NCOA3: variants seen among roughly 807,000 people sequenced by gnomAD.
NCOA3 encodes nuclear receptor coactivator 3, also known as CBP-interacting protein.
A neutral mutation model predicts 158.8 loss-of-function variants in NCOA3; 51 were observed. The observed-to-expected ratio is 0.32, with a 90% CI of 0.26 to 0.41. The LOEUF is 0.41. NCOA3 is among the 10% of genes least tolerant of loss of function. The probability of loss-of-function intolerance (pLI) is 1.00; values close to 1 mark genes in which losing one functional copy is unlikely to be tolerated. For missense variants in NCOA3, 1,510 were observed against 1,746.6 expected (o/e 0.86, Z 2.41); for synonymous variants, 537 against 592.4 (o/e 0.91, Z 1.36).
chr20:47,585,178 A>C (rs187248512), intron 2 of NCOA3, among the ~76,000 whole-genome samples: 72 of 149,252 alleles, frequency 4.8e-4, no homozygotes, highest in Non-Finnish European at 7.4e-4. Context: ...CAGCCTCCCA[A>C]GTAGCTGGGA....
At chr20:47,612,001 A>AT (rs1335446151) in intron 2 of NCOA3, among the ~76,000 whole-genome samples, 1 of 151,966 alleles carries the variant, frequency 6.6e-6, no homozygotes, top group Non-Finnish European at 1.5e-5. Flanking sequence ...AGTGTTTTGT[A>AT]TTTTTTGTAG....
intron 5 of NCOA3, among the ~76,000 whole-genome samples, chr20:47,626,421 A>G (rs1377461742): frequency 6.6e-6 from 1 of 152,214 alleles, no homozygotes; most frequent in African/African-American, 2.4e-5. Flanking sequence ...AATTCTTTAA[A>G]AATTAGGTTA....
At chr20:47,621,842 G>A (rs1356528456) in intron 2 of NCOA3, among the ~76,000 whole-genome samples, 1 of 151,670 alleles carries the variant, frequency 6.6e-6, no homozygotes. Flanking sequence ...TAGTAGAGAC[G>A]GGGTTTCACC....
intron 8 of NCOA3, among the ~76,000 whole-genome samples, chr20:47,629,474 C>T (rs144622818): frequency 0.018 from 2,759 of 151,952 alleles, 90 homozygotes; most frequent in African/African-American, 0.062. Context: ...AAATTACAGG[C>T]GCCCATCACC....
chr20:47,565,703 C>T lies in NCOA3; in HGVS notation c.-98-17480C>T, dbSNP rs570355438. Among the ~76,000 whole-genome samples, 102 of 152,250 alleles carry T rather than the reference C, an allele frequency of 6.7e-4. 2 individuals carry two copies. Among genetic ancestry groups the T allele is most frequent in the African/African-American group, 2.3e-3 (96 of 41,560 alleles). On this transcript the variant is annotated intron_variant, in intron 1 of 22. Transcript: ENST00000371998. ...TGCACTCCAGCCTCAGCCTGGGTGA[C>T]AGACTGAAACCCTGTTCCAAAAAAG...
intron 20 of NCOA3, among the ~76,000 whole-genome samples, 154 bp from the exon 21 acceptor site, chr20:47,652,252 G>GC (rs996946658): frequency 3.1e-4 from 47 of 151,990 alleles, no homozygotes; most frequent in African/African-American, 9.9e-4. Flanking sequence ...AGAATACCTG[G>GC]GGGGGCAGCA....
chr20:47,635,609 C>A lies in NCOA3; in HGVS notation c.1400C>A (p.Pro467Gln), dbSNP rs140702870. Reference protein sequence around the residue: ...NNYGLNMSSPPHGSPGLAPNQ... With the variant: ...NNYGLNMSSPQHGSPGLAPNQ... ...TATGGGCTCAACATGAGTAGCCCCCCACATGGGAGTCCTGGTCTTGCCCCA... is the reference window on the plus strand; with the variant it reads ...TATGGGCTCAACATGAGTAGCCCCCAACATGGGAGTCCTGGTCTTGCCCCA... The change falls in exon 11 of 23, where the codon CCA (proline) becomes CAA (glutamine). Residue 467 changes from proline to glutamine, a missense_variant. Physicochemically the swap from Pro to Gln is moderately conservative, Grantham distance 76. Transcript: ENST00000371998. 150 of 1,614,186 alleles carry A rather than the reference C, an allele frequency of 9.3e-5. No individual in the cohort carries two copies. In the East Asian group the frequency reaches 9.8e-4, roughly 11 times the overall value.
chr20:47,511,008 A>G (rs1026943104), intron 1 of NCOA3, among the ~76,000 whole-genome samples: 1 of 152,044 alleles, frequency 6.6e-6, no homozygotes, highest in Non-Finnish European at 1.5e-5. Flanking sequence ...AGACATACTT[A>G]ATCAGTGATT....
chr20:47,535,440 C>T (rs1461365555), intron 1 of NCOA3, among the ~76,000 whole-genome samples: 1 of 152,144 alleles, frequency 6.6e-6, no homozygotes, highest in Non-Finnish European at 1.5e-5. Context: ...CTCTCTGTAT[C>T]CCAGGTTCTT....
intron 1 of NCOA3, among the ~76,000 whole-genome samples, chr20:47,582,940 G>A (rs951707457): frequency 3.3e-5 from 5 of 152,154 alleles, no homozygotes; most frequent in Admixed American, 3.3e-4. Context: ...GATTACAGGC[G>A]GATGCCATGT....
chr20:47,547,628 C>T (rs923593698), intron 1 of NCOA3, among the ~76,000 whole-genome samples: 11 of 151,838 alleles, frequency 7.2e-5, no homozygotes, highest in Non-Finnish European at 1.5e-4. Context: ...CCACATTAGC[C>T]AGGATAGTCT....
intron 1 of NCOA3, among the ~76,000 whole-genome samples, chr20:47,569,332 G>GC (rs937430239): frequency 3.3e-4 from 50 of 151,992 alleles, no homozygotes; most frequent in African/African-American, 1.2e-3. Context: ...GGGCAACAGA[G>GC]CCAGACCCTA....
At chr20:47,595,878 G>C (rs1451106363) in intron 2 of NCOA3, among the ~76,000 whole-genome samples, 2 of 152,018 alleles carry the variant, frequency 1.3e-5, no homozygotes, top group African/African-American at 4.8e-5. Context: ...TGTTTCATAG[G>C]GCTGTCAGGA....
chr20:47,530,526 G>T (rs191896634), intron 1 of NCOA3, among the ~76,000 whole-genome samples: 3 of 146,952 alleles, frequency 2.0e-5, no homozygotes, highest in Non-Finnish European at 4.5e-5. Flanking sequence ...GCCGTGGCAC[G>T]ATCTTGGCTC....
At chr20:47,653,288 A>G in intron 22 of NCOA3, 118 bp from the exon 23 acceptor site, 1 of 1,320,166 alleles carries the variant, frequency 7.6e-7, no homozygotes, top group Non-Finnish European at 1.0e-6. Context: ...AGGAACCTGA[A>G]TCACTCAGCC....
intron 2 of NCOA3, among the ~76,000 whole-genome samples, chr20:47,607,266 CAG>C (rs2085962486): frequency 6.6e-6 from 1 of 152,120 alleles, no homozygotes. Context: ...GTTCTGAAAA[CAG>C]AGTAGAAGTT....
intron 1 of NCOA3, among the ~76,000 whole-genome samples, chr20:47,505,660 T>C (rs376814626): frequency 6.6e-6 from 1 of 152,182 alleles, no homozygotes; most frequent in African/African-American, 2.4e-5. Flanking sequence ...AGCAGAAAAT[T>C]AGTATTGGAA....
Position 47,505,368 on chromosome 20 carries a change from T to A in NCOA3, c.-99+3349T>A, listed in dbSNP as rs2084015888. Among the ~76,000 whole-genome samples the A allele has an allele frequency of 3.3e-5, 5 of 152,176 alleles. 1 individual carries two copies. Among genetic ancestry groups the A allele is most frequent in the South Asian group, 4.2e-4 (2 of 4,816 alleles). ...AGCCATCACGCCAGCCTGCATTTTT[T>A]AAAAACTATATAATTTCACACTTTG... On this transcript the variant is annotated intron_variant, in intron 1 of 22. Transcript: ENST00000371998.
intron 2 of NCOA3, among the ~76,000 whole-genome samples, chr20:47,613,952 ACT>A (rs1195105031): frequency 6.6e-6 from 1 of 152,000 alleles, no homozygotes; most frequent in Non-Finnish European, 1.5e-5. Flanking sequence ...TTCCCCTCCT[ACT>A]TATCTCCTCA....
Sources: gnomAD v4.1 joint callset for allele counts (sites outside exome capture counted in the v4.1 genomes callset) on GRCh38, gnomAD v4.1.1 for gene constraint, MANE v1.5 for transcripts, NCBI Gene and HGNC (gene_info 2026-07-23, HGNC 2026-07-21) for gene names.